The following THSD7B variants were observed in gnomAD, a reference collection of about 807,000 sequenced individuals.
The protein encoded by THSD7B is thrombospondin type 1 domain containing 7B.
A neutral mutation model predicts 213.6 loss-of-function variants in THSD7B; 138 were observed. The observed-to-expected ratio is 0.65, with a 90% CI of 0.56 to 0.74. The LOEUF (loss-of-function observed/expected upper bound fraction) is 0.74. THSD7B is among the 30% of genes least tolerant of loss of function. The pLI is 0.00. For missense variants in THSD7B, 1,931 were observed against 1,991.5 expected (o/e 0.97, Z 0.58); for synonymous variants, 742 against 687.0 (o/e 1.08, Z -1.25).
rs559589411 is a variant in THSD7B at position 136,949,951 on chromosome 2, GA to G, written c.139+67635del. On this transcript the variant is annotated intron_variant, in intron 2 of 27. Transcript: ENST00000409968. ...GGAACCAACCCAAATGCCCATCAATGATAGACTGGATAAAGAAAATGTGGCG... is the reference window on the plus strand; with the variant it reads ...GGAACCAACCCAAATGCCCATCAATGTAGACTGGATAAAGAAAATGTGGCG... 2.2e-3 allele frequency among the ~76,000 whole-genome samples: 333 copies of G among 152,268 alleles called. 1 individual carries two copies. The highest frequency in any genetic ancestry group is 4.7e-3 in the Admixed American group (72 of 15,290).
chr2:137,031,691 TAAAATAATAAC>T (rs935873541), intron 2 of THSD7B, among the ~76,000 whole-genome samples: 3 of 34,674 alleles, frequency 8.7e-5, no homozygotes, highest in Non-Finnish European at 6.0e-4. Flanking sequence ...ATTTGACAAA[TAAAATAATAAC>T]AGTAACAAAA....
intron 3 of THSD7B, among the ~76,000 whole-genome samples, chr2:137,093,303 G>C (rs1687985906): frequency 1.3e-5 from 2 of 152,064 alleles, no homozygotes; most frequent in African/African-American, 4.8e-5. Flanking sequence ...AGAACAAATG[G>C]GCTCCTACGT....
intron 14 of THSD7B, among the ~76,000 whole-genome samples, chr2:137,432,344 T>A (rs1187110364): frequency 4.6e-5 from 7 of 152,202 alleles, no homozygotes; most frequent in Middle Eastern, 3.2e-3. Context: ...TCAGCCGAGA[T>A]CGCGCCACTG....
intron 15 of THSD7B, among the ~76,000 whole-genome samples, chr2:137,536,271 T>C (rs1400329288): frequency 1.3e-5 from 2 of 151,030 alleles, no homozygotes; most frequent in African/African-American, 2.4e-5. Flanking sequence ...ATAGGACACA[T>C]ATATAAAAAG....
At chr2:137,243,286 C>G (rs936738414) in intron 10 of THSD7B, among the ~76,000 whole-genome samples, 11 of 152,200 alleles carry the variant, frequency 7.2e-5, no homozygotes, top group Non-Finnish European at 4.4e-5. Context: ...CCATTTTGGC[C>G]TAAGATCTAG....
intron 12 of THSD7B, among the ~76,000 whole-genome samples, chr2:137,402,421 ACAT>A (rs1192962602): frequency 1.3e-5 from 2 of 152,172 alleles, no homozygotes; most frequent in Admixed American, 6.5e-5. Flanking sequence ...GAACTTGAAA[ACAT>A]CATTCAATTT....
chr2:137,422,155 AG>A (rs1479268575), intron 14 of THSD7B, among the ~76,000 whole-genome samples: 3 of 152,236 alleles, frequency 2.0e-5, no homozygotes, highest in Non-Finnish European at 2.9e-5. Flanking sequence ...ATATCTACAC[AG>A]GGGACTTTAT....
At chr2:137,404,630 G>A (rs940221808) in intron 12 of THSD7B, among the ~76,000 whole-genome samples, 7 of 148,736 alleles carry the variant, frequency 4.7e-5, no homozygotes, top group South Asian at 2.1e-4. Flanking sequence ...ATATATGATC[G>A]TATATAGTGT....
At chr2:137,201,966 A>G (rs1313345624) in intron 7 of THSD7B, among the ~76,000 whole-genome samples, 2 of 151,918 alleles carry the variant, frequency 1.3e-5, no homozygotes, top group East Asian at 3.9e-4. Flanking sequence ...GATGGTCTCT[A>G]TGTCTTTTCC....
chr2:137,538,884 G>T (rs1680556099), intron 15 of THSD7B, among the ~76,000 whole-genome samples: 1 of 151,626 alleles, frequency 6.6e-6, no homozygotes, highest in African/African-American at 2.4e-5. Context: ...CATTGCCATG[G>T]TTAATATAGC....
At position 137,345,333 on chromosome 2, in the gene THSD7B, A is replaced by C. The variant is rs185958881; in HGVS notation, c.2501-60280A>C. Among the ~76,000 whole-genome samples, 94 of 151,842 alleles carry C rather than the reference A, an allele frequency of 6.2e-4. 1 individual carries two copies. In the East Asian group the frequency reaches 0.013, roughly 21 times the overall value. ...CTTTCTTATTAAGCACTTTGGTTAC[A>C]TGAAAATAATTGCATAGTACCTTCA... On this transcript the variant is annotated intron_variant, in intron 12 of 27. Transcript: ENST00000409968.
intron 12 of THSD7B, among the ~76,000 whole-genome samples, chr2:137,301,934 G>A (rs72975686): frequency 0.025 from 3,755 of 152,122 alleles, 175 homozygotes; most frequent in African/African-American, 0.086. Flanking sequence ...CGGTTTACAT[G>A]GTGGTTAAGT....
At chr2:137,306,533 A>G (rs1266398991) in intron 12 of THSD7B, among the ~76,000 whole-genome samples, 3 of 152,062 alleles carry the variant, frequency 2.0e-5, no homozygotes, top group African/African-American at 7.2e-5. Context: ...CATTATTCTC[A>G]TCGTCATTTA....
intron 1 of THSD7B, among the ~76,000 whole-genome samples, chr2:136,857,794 T>G (rs1683198893): frequency 6.6e-6 from 1 of 152,202 alleles, no homozygotes. Flanking sequence ...TTAAATAATT[T>G]GAGGAACAAA....
intron 2 of THSD7B, among the ~76,000 whole-genome samples, chr2:136,903,781 T>C (rs1322641553): frequency 6.6e-6 from 1 of 152,158 alleles, no homozygotes; most frequent in Non-Finnish European, 1.5e-5. Context: ...CCTTTACCAA[T>C]TAGAAATAAA....
intron 12 of THSD7B, among the ~76,000 whole-genome samples, chr2:137,354,041 T>C (rs2104924934): frequency 6.6e-6 from 1 of 152,214 alleles, no homozygotes; most frequent in Admixed American, 6.6e-5. Flanking sequence ...TGTTTGTAAC[T>C]ACATGGCTGG....
intron 10 of THSD7B, among the ~76,000 whole-genome samples, chr2:137,270,843 A>T (rs1289109601): frequency 6.6e-6 from 1 of 152,194 alleles, no homozygotes. Flanking sequence ...TACTGCAGAA[A>T]GTCAATAGGT....
chr2:137,332,374 C>G (rs1204710954), intron 12 of THSD7B, among the ~76,000 whole-genome samples: 1 of 152,202 alleles, frequency 6.6e-6, no homozygotes, highest in Non-Finnish European at 1.5e-5. Flanking sequence ...TGGCCAATTT[C>G]TCCCATTCAG....
intron 9 of THSD7B, among the ~76,000 whole-genome samples, chr2:137,241,329 T>G (rs951656003): frequency 6.6e-6 from 1 of 152,242 alleles, no homozygotes; most frequent in African/African-American, 2.4e-5. Flanking sequence ...TGTAACACTG[T>G]TGTAGAATAT....
Sources: allele counts gnomAD v4.1 joint callset (sites outside exome capture counted in the v4.1 genomes callset), GRCh38; gene constraint gnomAD v4.1.1; transcripts MANE v1.5; gene names NCBI Gene and HGNC (gene_info 2026-07-23, HGNC 2026-07-21).